Variants in CNTN4 observed in about 807,000 individuals in gnomAD.
CNTN4 encodes contactin 4.
A neutral mutation model predicts 122.5 loss-of-function variants in CNTN4; 77 were observed. That is an observed-to-expected ratio of 0.63 (90% CI 0.52 to 0.76). CNTN4 has a LOEUF of 0.76. CNTN4 is among the 30% of genes least tolerant of loss of function. The probability of loss-of-function intolerance (pLI) is 0.00; values close to 1 mark genes in which losing one functional copy is unlikely to be tolerated. For synonymous variants in CNTN4, 512 were observed against 447.0 expected, an observed-to-expected ratio of 1.15 and a Z score of -1.83; for missense variants, 1,256 against 1,259.1, an observed-to-expected ratio of 1.00 and a Z score of 0.04.
At position 2,230,456 on chromosome 3, in the gene CNTN4, G is replaced by T. The variant is rs927556546; in HGVS notation, c.-144-108722G>T. Among the ~76,000 whole-genome samples the T allele has an allele frequency of 2.6e-5, 4 of 152,274 alleles. No homozygotes were observed. In the East Asian group the frequency reaches 7.7e-4, roughly 29 times the overall value. ...ACTCAAACTTTCTGATTTCAACACC[G>T]TGCTGGGCATTGCCTCAATTTGAGA... On this transcript the variant is annotated intron_variant, in intron 2 of 24. Transcript: ENST00000418658.
chr3:2,287,644 A>G (rs35274288), intron 2 of CNTN4, among the ~76,000 whole-genome samples: 22,327 of 59,328 alleles, frequency 0.38, 2,931 homozygotes, highest in Middle Eastern at 0.44. Context: ...GAAGAAGAAG[A>G]AGAAGAAGAA....
intron 2 of CNTN4, among the ~76,000 whole-genome samples, chr3:2,112,178 A>G (rs1425914401): frequency 6.6e-6 from 1 of 152,176 alleles, no homozygotes; most frequent in African/African-American, 2.4e-5. Context: ...GAATTACTGA[A>G]TAGGCTCTCA....
intron 13 of CNTN4, among the ~76,000 whole-genome samples, chr3:2,947,356 A>G (rs1325655994): frequency 1.3e-5 from 2 of 152,142 alleles, no homozygotes; most frequent in Non-Finnish European, 2.9e-5. Context: ...AGCTTCATTC[A>G]TTTTTATGAC....
chr3:2,677,849 A>C (rs2084956330), intron 4 of CNTN4, among the ~76,000 whole-genome samples: 1 of 152,192 alleles, frequency 6.6e-6, no homozygotes, highest in Admixed American at 6.5e-5. Flanking sequence ...AAGTCAAAAA[A>C]TGAGAAACGG....
intron 3 of CNTN4, among the ~76,000 whole-genome samples, chr3:2,348,885 A>G (rs1436454071): frequency 6.6e-6 from 1 of 152,192 alleles, no homozygotes; most frequent in African/African-American, 2.4e-5. Context: ...TAGACAAGTC[A>G]TTAAACTTTC....
In CNTN4 at chr3:2,186,485, A is replaced by C. The variant is rs1575032189; in HGVS notation, c.-145+85846A>C. 3.3e-5 allele frequency among the ~76,000 whole-genome samples: 5 copies of C among 152,328 alleles called. No individual in the cohort carries two copies. The South Asian group carries it at 6.2e-4, about 19-fold the overall frequency. On this transcript the variant is annotated intron_variant, in intron 2 of 24. Transcript: ENST00000418658. ...TGGGTCAAATGGTATTTCTAGTTCT[A>C]GATCCTTGAGGAATTGCCACACTGT... is the stretch of plus-strand genomic sequence containing the variant.
chr3:2,962,337 C>T (rs2094869613), intron 13 of CNTN4, among the ~76,000 whole-genome samples: 1 of 152,222 alleles, frequency 6.6e-6, no homozygotes, highest in Non-Finnish European at 1.5e-5. Context: ...TCCGAATATT[C>T]AAAGACAGCA....
At chr3:2,801,995 A>G (rs757473087) in intron 6 of CNTN4, among the ~76,000 whole-genome samples, 2 of 152,262 alleles carry the variant, frequency 1.3e-5, no homozygotes, top group African/African-American at 4.8e-5. Flanking sequence ...AAATGTAAGG[A>G]AACATATCAT....
chr3:2,883,302 A>G lies in CNTN4; in HGVS notation c.755+55A>G, dbSNP rs13089241. ...CTCCCTTCAGCTTGAGCAGGTATAGAGTTTTTCTTGCACTGTTCACAGCGA... is the reference window on the plus strand; with the variant it reads ...CTCCCTTCAGCTTGAGCAGGTATAGGGTTTTTCTTGCACTGTTCACAGCGA... On this transcript the variant is annotated intron_variant, in intron 9 of 24. Transcript: ENST00000418658. 66,574 of 1,327,810 alleles carry G rather than the reference A, an allele frequency of 0.05. 1,937 individuals carry two copies. The highest frequency in any genetic ancestry group is 0.059 in the Non-Finnish European group (55,033 of 931,484). The allele number at this position is 1,327,810 out of a possible 1,614,324, so 82.3% of individuals were successfully genotyped here.
chr3:2,432,529 A>G (rs1038032688), intron 3 of CNTN4, among the ~76,000 whole-genome samples: 1 of 152,158 alleles, frequency 6.6e-6, no homozygotes, highest in African/African-American at 2.4e-5. Context: ...AGAAAGAGCC[A>G]GATATGACAG....
intron 3 of CNTN4, among the ~76,000 whole-genome samples, chr3:2,380,490 T>C (rs966880895): frequency 2.0e-5 from 3 of 152,244 alleles, no homozygotes; most frequent in East Asian, 3.8e-4. Flanking sequence ...TGAATTTGAA[T>C]AGTAACGATG....
At position 2,785,895 on chromosome 3, in the gene CNTN4, G is replaced by GCCCCCCCCC. The variant is rs149802098; in HGVS notation, c.359-33590_359-33582dup. The stretch of plus-strand genomic sequence containing the variant: ...TCCCAGAACCACCCTGGCCCACGCT[G>GCCCCCCCCC]CCCCCCCCCGCCCCCCCATCCTGTA... On this transcript the variant is annotated intron_variant, in intron 6 of 24. Coordinates refer to ENST00000418658, the MANE Select transcript of CNTN4 (RefSeq NM_175607.3). Among the ~76,000 whole-genome samples the GCCCCCCCCC allele has an allele frequency of 1.2e-4, 10 of 81,664 alleles. 1 individual carries two copies. The highest frequency in any genetic ancestry group is 5.3e-4 in the South Asian group (1 of 1,884). The allele number at this position is 81,664 out of a possible 152,430, so 53.6% of individuals were successfully genotyped here.
intron 3 of CNTN4, among the ~76,000 whole-genome samples, chr3:2,440,875 A>G (rs1559554898): frequency 2.6e-5 from 2 of 77,218 alleles, no homozygotes; most frequent in Non-Finnish European, 6.4e-5. Context: ...ACATATATGT[A>G]TATATGTATA....
intron 2 of CNTN4, among the ~76,000 whole-genome samples, chr3:2,120,373 AAATATATAT>A (rs2033652195): frequency 4.5e-5 from 2 of 44,108 alleles, no homozygotes; most frequent in African/African-American, 1.4e-4. Context: ...ATATATATAT[AAATATATAT>A]ATATATATAT....
At chr3:2,998,581 AAACT>A (rs1228946766) in intron 14 of CNTN4, among the ~76,000 whole-genome samples, 1 of 152,184 alleles carries the variant, frequency 6.6e-6, no homozygotes, top group Non-Finnish European at 1.5e-5. Context: ...AAGGGAGGCA[AAACT>A]AACTAAGAGG....
At chr3:2,501,187 G>C (rs1461977134) in intron 3 of CNTN4, among the ~76,000 whole-genome samples, 1 of 151,986 alleles carries the variant, frequency 6.6e-6, no homozygotes, top group African/African-American at 2.4e-5. Context: ...TATATAGAAA[G>C]TCCATTCATT....
At chr3:2,276,364 G>A (rs182002914) in intron 2 of CNTN4, among the ~76,000 whole-genome samples, 108 of 152,076 alleles carry the variant, frequency 7.1e-4, no homozygotes, top group African/African-American at 2.5e-3. Context: ...AGCAGAGAGA[G>A]GGTTTCACCA....
intron 6 of CNTN4, among the ~76,000 whole-genome samples, chr3:2,815,555 C>G (rs961798099): frequency 3.9e-5 from 6 of 152,256 alleles, no homozygotes; most frequent in Admixed American, 3.3e-4. Context: ...CGCCTTACAC[C>G]TGCAAGAATG....
chr3:2,395,851 A>G (rs752986900), intron 3 of CNTN4, among the ~76,000 whole-genome samples: 3 of 152,170 alleles, frequency 2.0e-5, no homozygotes, highest in Non-Finnish European at 4.4e-5. Flanking sequence ...TATGTGAAGT[A>G]TTGTTCAATA....
Sources: allele counts gnomAD v4.1 joint callset (sites outside exome capture counted in the v4.1 genomes callset), GRCh38; gene constraint gnomAD v4.1.1; transcripts MANE v1.5; gene names NCBI Gene and HGNC (gene_info 2026-07-23, HGNC 2026-07-21).